The following JAKMIP1 variants were observed in gnomAD, a reference collection of about 807,000 sequenced individuals.
JAKMIP1 encodes janus kinase and microtubule interacting protein 1, also known as janus kinase and microtubule-interacting protein 1.
A neutral mutation model predicts 113.0 loss-of-function variants in JAKMIP1; 33 were observed. That is an observed-to-expected ratio of 0.29 (90% CI 0.22 to 0.39). The LOEUF is 0.39. Ranked by LOEUF, JAKMIP1 falls within the 10% of genes least tolerant of loss-of-function variation. JAKMIP1 has a pLI of 1.00. For synonymous variants in JAKMIP1, 480 were observed against 459.9 expected (o/e 1.04, Z -0.56); for missense variants, 813 against 1,080.5 (o/e 0.75, Z 3.47).
chr4:6,073,261 C>T (rs528800032), intron 8 of JAKMIP1, among the ~76,000 whole-genome samples: 1 of 152,098 alleles, frequency 6.6e-6, no homozygotes, highest in African/African-American at 2.4e-5. Flanking sequence ...TTAGATAGGT[C>T]CTGCGTGTTT....
rs1485462162 is a variant in JAKMIP1, at chr4:6,143,834, A to G, written c.-147-30837T>C. Among the ~76,000 whole-genome samples the G allele has an allele frequency of 6.6e-6, 1 of 152,256 alleles. No individual in the cohort carries two copies. Among genetic ancestry groups the G allele is most frequent in the African/African-American group, 2.4e-5 (1 of 41,462 alleles). On this transcript the variant is annotated intron_variant, in intron 1 of 20. Coordinates refer to ENST00000409021, the MANE Select transcript of JAKMIP1 (RefSeq NM_001099433.2). The surrounding 1 kb of genome is among the most constrained non-coding windows in gnomAD (Gnocchi z 4.9). ...AAGAACAATTTCTGGTCATCAGGGA[A>G]TAACAGAAGGCTTGTAGGACCCAGG... is the stretch of plus-strand genomic sequence containing the variant.
At position 6,150,777 on chromosome 4, in the gene JAKMIP1, C is replaced by T. The variant is rs1183385497; in HGVS notation, c.-147-37780G>A. On this transcript the variant is annotated intron_variant, in intron 1 of 20. Transcript: ENST00000409021. This position sits in a 1 kb window ranked among gnomAD's most constrained non-coding sequence, Gnocchi z 4.8. The stretch of plus-strand genomic sequence containing the variant: ...CTAAAATCAGCTTCCTAGACCATGG[C>T]GGGAAGAAGAAAACAGGCAAGAAAT... Among the ~76,000 whole-genome samples, 1 of 152,126 alleles carries T rather than the reference C, an allele frequency of 6.6e-6. No individual in the cohort carries two copies. The highest frequency in any genetic ancestry group is 1.5e-5 in the Non-Finnish European group (1 of 68,022).
chr4:6,057,969 T>A (rs938893832), intron 11 of JAKMIP1, among the ~76,000 whole-genome samples: 3 of 152,244 alleles, frequency 2.0e-5, no homozygotes, highest in East Asian at 1.9e-4. Flanking sequence ...CACAGAACTG[T>A]GTGCAAATAG....
chr4:6,117,702 T>C (rs7662635), intron 1 of JAKMIP1, among the ~76,000 whole-genome samples: 150,074 of 151,754 alleles, frequency 0.99, 74,203 homozygotes, highest in East Asian at 1. Flanking sequence ...TCTGCAATCT[T>C]GACCATAAGA....
rs1180598047 is a variant in JAKMIP1, at chr4:6,155,959, T to A, written c.-147-42962A>T. On this transcript the variant is annotated intron_variant, in intron 1 of 20. Coordinates refer to ENST00000409021, the MANE Select transcript of JAKMIP1 (RefSeq NM_001099433.2). The surrounding 1 kb of genome is among the most constrained non-coding windows in gnomAD (Gnocchi z 6.1). ...ACCGCTGCTGGGGATGAATATCTAC[T>A]GCCACGGAAAGGGTCAGCTCTGTGA... Among the ~76,000 whole-genome samples the A allele has an allele frequency of 6.6e-6, 1 of 152,220 alleles. No individual in the cohort carries two copies. Among genetic ancestry groups the A allele is most frequent in the African/African-American group, 2.4e-5 (1 of 41,458 alleles).
chr4:6,195,748 G>A (rs1280514464), intron 1 of JAKMIP1, among the ~76,000 whole-genome samples: 1 of 152,196 alleles, frequency 6.6e-6, no homozygotes, highest in Non-Finnish European at 1.5e-5. Context: ...GGTTCAGTCA[G>A]ACCAGGGACA....
intron 1 of JAKMIP1, among the ~76,000 whole-genome samples, chr4:6,166,172 C>T (rs1226410190): frequency 6.6e-6 from 1 of 152,216 alleles, no homozygotes; most frequent in Non-Finnish European, 1.5e-5. Flanking sequence ...TTCCAAGAAG[C>T]ATGTGGGCTT....
intron 3 of JAKMIP1, among the ~76,000 whole-genome samples, chr4:6,085,912 T>G (rs1721226389): frequency 6.6e-6 from 1 of 152,182 alleles, no homozygotes; most frequent in Non-Finnish European, 1.5e-5. Context: ...CTCTCTCACT[T>G]TAATGAGATA....
chr4:6,098,716 GAA>G (rs1560181307), intron 3 of JAKMIP1, among the ~76,000 whole-genome samples: 2 of 6,966 alleles, frequency 2.9e-4, no homozygotes, highest in African/African-American at 5.0e-4. Context: ...AAGAAAGAAA[GAA>G]AGAAAAAGAA....
chr4:6,036,185 G>A (rs907616137), intron 18 of JAKMIP1, 78 bp from the exon 19 acceptor site: 2 of 1,183,458 alleles, frequency 1.7e-6, no homozygotes, highest in East Asian at 5.2e-5. Context: ...GCTGCCAGTG[G>A]AGGCAGAGCC....
At position 6,050,626 on chromosome 4, in the gene JAKMIP1, C is replaced by G; in HGVS notation, c.1860G>C (p.Glu620Asp). ...AFNLQITTFPENHSSALQLFC... is the reference protein window; with the variant it reads ...AFNLQITTFPDNHSSALQLFC... ...ACAGCTGGAGAGCGCTGCTGTGGTT[C>G]TCGGGGAAGGTGGTGATTTGGAGGT... The change falls in exon 14 of 21, where the codon GAG (glutamate) becomes GAC (aspartate). Residue 620 changes from glutamate (E) to aspartate (D), a missense_variant. Physicochemically the swap from Glu to Asp is conservative, Grantham distance 45 (BLOSUM62 2). Transcript: ENST00000409021. The surrounding 1 kb of genome is among the most constrained non-coding windows in gnomAD (Gnocchi z 7.4). 2 of 1,577,052 alleles carry G rather than the reference C, an allele frequency of 1.3e-6. No individual in the cohort carries two copies. The highest frequency in any genetic ancestry group is 1.7e-6 in the Non-Finnish European group (2 of 1,160,822).
Position 6,106,075 on chromosome 4 carries a change from C to T in JAKMIP1, c.130-108G>A. On this transcript the variant is annotated intron_variant, in intron 2 of 20. Coordinates refer to ENST00000409021, the MANE Select transcript of JAKMIP1 (RefSeq NM_001099433.2). This position sits in a 1 kb window ranked among gnomAD's most constrained non-coding sequence, Gnocchi z 5.9. ...CCACAGCCTCCCCACGCCCAAGACA[C>T]CCACCTGGGCCCACGTTCCCATGGA... The T allele has an allele frequency of 5.8e-6, 4 of 690,960 alleles. No individual in the cohort carries two copies. The highest frequency in any genetic ancestry group is 9.6e-6 in the Non-Finnish European group (4 of 418,060). The allele number at this position is 690,960 out of a possible 1,614,324, so 42.8% of individuals were successfully genotyped here.
Position 6,141,652 on chromosome 4 carries a change from A to T in JAKMIP1, c.-147-28655T>A, listed in dbSNP as rs528731092. 6.6e-6 allele frequency among the ~76,000 whole-genome samples: 1 copy of T among 152,136 alleles called. No homozygotes were observed. The highest frequency in any genetic ancestry group is 1.5e-5 in the Non-Finnish European group (1 of 68,034). On this transcript the variant is annotated intron_variant, in intron 1 of 20. Coordinates refer to ENST00000409021, the MANE Select transcript of JAKMIP1 (RefSeq NM_001099433.2). The surrounding 1 kb of genome is among the most constrained non-coding windows in gnomAD (Gnocchi z 9.4). ...CACTCCCAAATCCACATGATTCTCC[A>T]TCTTAACTTGCCGGTAGCTGGCCCA...
In JAKMIP1 at chr4:6,178,531, G is replaced by C. The variant is rs1725657550; in HGVS notation, c.-148+21722C>G. ...GTTTGGTGGGGAATTGAAGTAGGTG[G>C]TTTTCTGATGATATTGGAAGCATTT... is the stretch of plus-strand genomic sequence containing the variant. On this transcript the variant is annotated intron_variant, in intron 1 of 20. Transcript: ENST00000409021. The surrounding 1 kb of genome is among the most constrained non-coding windows in gnomAD (Gnocchi z 5.5). Among the ~76,000 whole-genome samples the C allele has an allele frequency of 1.3e-5, 2 of 152,156 alleles. No individual in the cohort carries two copies. Among genetic ancestry groups the C allele is most frequent in the Admixed American group, 1.3e-4 (2 of 15,276 alleles).
rs1720026854 is a variant in JAKMIP1, at chr4:6,140,757, T to C, written c.-147-27760A>G. Among the ~76,000 whole-genome samples, 1 of 152,168 alleles carries C rather than the reference T, an allele frequency of 6.6e-6. No individual in the cohort carries two copies. Among genetic ancestry groups the C allele is most frequent in the South Asian group, 2.1e-4 (1 of 4,830 alleles). ...ACTTGGTAGAATAATATTTCTCTCG[T>C]CTGGTGTCATCCTTTGGGCAATAAG... On this transcript the variant is annotated intron_variant, in intron 1 of 20. Coordinates refer to ENST00000409021, the MANE Select transcript of JAKMIP1 (RefSeq NM_001099433.2). This position sits in a 1 kb window ranked among gnomAD's most constrained non-coding sequence, Gnocchi z 9.4.
At chr4:6,147,789 C>T (rs1052837662) in intron 1 of JAKMIP1, among the ~76,000 whole-genome samples, 2 of 152,290 alleles carry the variant, frequency 1.3e-5, no homozygotes, top group Admixed American at 6.5e-5. Flanking sequence ...TCTCCCATCA[C>T]CTGCTGCAGG....
chr4:6,053,363 G>C (rs1268904605), intron 13 of JAKMIP1, among the ~76,000 whole-genome samples: 1 of 152,240 alleles, frequency 6.6e-6, no homozygotes, highest in Non-Finnish European at 1.5e-5. Context: ...TTGAGGTGCA[G>C]TTTGAGTTGC....
Position 6,171,007 on chromosome 4 carries a change from C to A in JAKMIP1, c.-148+29246G>T, listed in dbSNP as rs553945284. ...ACCACCATTGCCACCCTTACCACCA[C>A]TGCCATCACCATAATCACCACCATC... On this transcript the variant is annotated intron_variant, in intron 1 of 20. Coordinates refer to ENST00000409021, the MANE Select transcript of JAKMIP1 (RefSeq NM_001099433.2). 2.6e-5 allele frequency among the ~76,000 whole-genome samples: 4 copies of A among 150,996 alleles called. No individual in the cohort carries two copies. In the East Asian group the frequency reaches 7.9e-4, roughly 30 times the overall value.
At chr4:6,055,343 AT>A (rs2108774163) in intron 12 of JAKMIP1, among the ~76,000 whole-genome samples, 1 of 152,306 alleles carries the variant, frequency 6.6e-6, no homozygotes, top group East Asian at 1.9e-4. Context: ...AACACAGTAG[AT>A]TTACAAAAAG....
Sources: allele counts gnomAD v4.1 joint callset (sites outside exome capture counted in the v4.1 genomes callset), GRCh38; gene constraint gnomAD v4.1.1; non-coding constraint Gnocchi (gnomAD v3.1); transcripts MANE v1.5; gene names NCBI Gene and HGNC (gene_info 2026-07-23, HGNC 2026-07-21).